ADGRB3: variants seen among roughly 807,000 people sequenced by gnomAD.
ADGRB3 encodes the protein brain-specific angiogenesis inhibitor 3.
In ADGRB3, 37 loss-of-function variants were observed where a neutral mutation model predicts 193.4. That is an observed-to-expected ratio of 0.19 (90% CI 0.15 to 0.25). The LOEUF is 0.25. Ranked by LOEUF, ADGRB3 falls within the 10% of genes least tolerant of loss-of-function variation. The pLI, the probability that ADGRB3 is intolerant of heterozygous loss-of-function variation, is 1.00. For synonymous variants in ADGRB3, 690 were observed against 644.2 expected, an observed-to-expected ratio of 1.07 and a Z score of -1.08; for missense variants, 1,637 against 1,852.9, an observed-to-expected ratio of 0.88 and a Z score of 2.14.
At chr6:69,230,220 C>T (rs750062626) in intron 17 of ADGRB3, among the ~76,000 whole-genome samples, 2 of 152,130 alleles carry the variant, frequency 1.3e-5, no homozygotes, top group African/African-American at 4.8e-5. Context: ...CTTCTGATAT[C>T]ATCAGTTATT....
At chr6:69,049,150 T>C in intron 14 of ADGRB3, 121 bp from the exon 15 acceptor site, 1 of 686,052 alleles carries the variant, frequency 1.5e-6, no homozygotes, top group Non-Finnish European at 2.4e-6. Flanking sequence ...CATTTCTTTT[T>C]ACCAGGCTTT....
chr6:69,293,527 A>C (rs1767738969), intron 20 of ADGRB3, among the ~76,000 whole-genome samples: 1 of 152,142 alleles, frequency 6.6e-6, no homozygotes, highest in South Asian at 2.1e-4. Flanking sequence ...CCAGGTTCAA[A>C]TTTAGAATTT....
chr6:69,203,614 C>T (rs1044646962), intron 17 of ADGRB3, among the ~76,000 whole-genome samples: 1 of 152,112 alleles, frequency 6.6e-6, no homozygotes, highest in Non-Finnish European at 1.5e-5. Flanking sequence ...CCTCAAGATT[C>T]TTTAGTTGGT....
intron 17 of ADGRB3, among the ~76,000 whole-genome samples, chr6:69,118,814 T>G (rs1773605095): frequency 6.6e-6 from 1 of 152,136 alleles, no homozygotes; most frequent in African/African-American, 2.4e-5. Flanking sequence ...GAGTTTACCC[T>G]ATAAAGTTTT....
chr6:68,870,895 G>A (rs1765437283), intron 3 of ADGRB3, among the ~76,000 whole-genome samples: 1 of 152,190 alleles, frequency 6.6e-6, no homozygotes, highest in African/African-American at 2.4e-5. Context: ...TTTAGAAGGT[G>A]AGATGCAGAG....
intron 3 of ADGRB3, among the ~76,000 whole-genome samples, chr6:68,677,643 G>A (rs1311809926): frequency 6.7e-6 from 1 of 149,594 alleles, no homozygotes; most frequent in Non-Finnish European, 1.5e-5. Context: ...TCTGCCTCCT[G>A]AGTAGCTGGG....
chr6:68,763,223 T>C (rs921903544), intron 3 of ADGRB3, among the ~76,000 whole-genome samples: 4 of 152,132 alleles, frequency 2.6e-5, no homozygotes, highest in Admixed American at 2.0e-4. Flanking sequence ...CTCGAGTACA[T>C]GGGATTACAG....
At chr6:68,697,384 A>C (rs1453884604) in intron 3 of ADGRB3, among the ~76,000 whole-genome samples, 1 of 151,862 alleles carries the variant, frequency 6.6e-6, no homozygotes, top group African/African-American at 2.4e-5. Context: ...TGGCAAATGA[A>C]TTTTTCTCTT....
chr6:68,947,967 A>G (rs1767817042), intron 6 of ADGRB3, among the ~76,000 whole-genome samples: 1 of 152,084 alleles, frequency 6.6e-6, no homozygotes. Context: ...GGAGTGTTTG[A>G]ATTACTTAAG....
At chr6:69,367,062 T>C (rs1769587119) in intron 29 of ADGRB3, among the ~76,000 whole-genome samples, 1 of 152,098 alleles carries the variant, frequency 6.6e-6, no homozygotes, top group Admixed American at 6.6e-5. Flanking sequence ...CTGGGAAGCA[T>C]CTGAAAGTGT....
intron 20 of ADGRB3, among the ~76,000 whole-genome samples, chr6:69,277,406 C>T (rs1050554409): frequency 1.3e-5 from 2 of 152,260 alleles, no homozygotes; most frequent in African/African-American, 4.8e-5. Flanking sequence ...TGACCTGCTG[C>T]TCTGCATTTC....
chr6:69,299,489 A>C (rs192230000), intron 20 of ADGRB3, among the ~76,000 whole-genome samples: 21 of 151,902 alleles, frequency 1.4e-4, no homozygotes, highest in Admixed American at 4.6e-4. Flanking sequence ...TACCCAGAGC[A>C]ATGTCCAGTA....
At chr6:69,257,980 C>T (rs559506878) in intron 20 of ADGRB3, among the ~76,000 whole-genome samples, 1 of 152,238 alleles carries the variant, frequency 6.6e-6, no homozygotes, top group South Asian at 2.1e-4. Context: ...TGTATTTACG[C>T]AGCTTTCCCA....
chr6:68,933,027 A>G (rs1055979419), intron 4 of ADGRB3, among the ~76,000 whole-genome samples: 5 of 150,584 alleles, frequency 3.3e-5, no homozygotes, highest in Non-Finnish European at 5.9e-5. Context: ...TAGTTTGGAT[A>G]TAAATGATGG....
At chr6:69,024,249 T>G (rs1415905121) in intron 13 of ADGRB3, among the ~76,000 whole-genome samples, 1 of 152,160 alleles carries the variant, frequency 6.6e-6, no homozygotes, top group African/African-American at 2.4e-5. Context: ...TGTCTTATAA[T>G]AAAATGGAGA....
chr6:69,347,366 T>G (rs1337526982), intron 26 of ADGRB3, among the ~76,000 whole-genome samples: 2 of 152,114 alleles, frequency 1.3e-5, no homozygotes, highest in African/African-American at 4.8e-5. Flanking sequence ...TAATAATAAA[T>G]AAAAGAATTA....
At chr6:68,865,342 A>G (rs1013104231) in intron 3 of ADGRB3, among the ~76,000 whole-genome samples, 3 of 152,116 alleles carry the variant, frequency 2.0e-5, no homozygotes, top group East Asian at 1.9e-4. Context: ...CCAAGCACAA[A>G]CTTATCCAAG....
chr6:68,648,186 A>ATTAG (rs1234944554), intron 3 of ADGRB3, among the ~76,000 whole-genome samples: 2 of 152,178 alleles, frequency 1.3e-5, no homozygotes, highest in African/African-American at 4.8e-5. Context: ...AAATGCACTA[A>ATTAG]ATACATGAGC....
intron 3 of ADGRB3, among the ~76,000 whole-genome samples, chr6:68,807,228 CTT>C (rs1418367807): frequency 7.4e-5 from 7 of 94,670 alleles, no homozygotes; most frequent in African/African-American, 2.0e-4. Context: ...TTTCTTTTTT[CTT>C]TTTTCTTTTT....
Sources: allele counts gnomAD v4.1 joint callset (sites outside exome capture counted in the v4.1 genomes callset), GRCh38; gene constraint gnomAD v4.1.1; transcripts MANE v1.5; gene names NCBI Gene and HGNC (gene_info 2026-07-23, HGNC 2026-07-21).